Variants in DAD1 observed in about 807,000 individuals in gnomAD.
DAD1 encodes defender against cell death 1, also known as dolichyl-diphosphooligosaccharide--protein glycosyltransferase subunit DAD1.
A neutral mutation model predicts 9.0 loss-of-function variants in DAD1; 4 were observed. The ratio of observed to expected loss-of-function variants is 0.44; its 90% CI spans 0.22 to 1.01. The LOEUF (loss-of-function observed/expected upper bound fraction) is 1.01, where lower values mean the gene tolerates loss of function less well. Ranked by LOEUF, DAD1 falls within the 50% of genes least tolerant of loss-of-function variation. DAD1 has a pLI of 0.24. For missense variants in DAD1, 119 were observed against 137.3 expected (o/e 0.87, Z 0.67); for synonymous variants, 60 against 62.5 (o/e 0.96, Z 0.19).
chr14:22,587,094 G>A (rs1404261327), intron 1 of DAD1, among the ~76,000 whole-genome samples: 1 of 152,116 alleles, frequency 6.6e-6, no homozygotes, highest in African/African-American at 2.4e-5. Flanking sequence ...GCCACAACGG[G>A]CTCAAAAACA....
chr14:22,575,466 T>C (rs1377626698), intron 1 of DAD1, among the ~76,000 whole-genome samples: 1 of 152,212 alleles, frequency 6.6e-6, no homozygotes, highest in Non-Finnish European at 1.5e-5. Flanking sequence ...AATAGAATAT[T>C]ATACTGCAAT....
chr14:22,568,642 T>A (rs5742844), intron 2 of DAD1, among the ~76,000 whole-genome samples: 18 of 151,512 alleles, frequency 1.2e-4, no homozygotes, highest in Admixed American at 4.6e-4. Context: ...GAGGTAAGTT[T>A]ATTTGTCCAT....
chr14:22,578,520 T>C (rs1256639662), intron 1 of DAD1, among the ~76,000 whole-genome samples: 1 of 152,218 alleles, frequency 6.6e-6, no homozygotes, highest in Non-Finnish European at 1.5e-5. Flanking sequence ...TGAGCCGAGA[T>C]TGCGCCACTG....
intron 1 of DAD1, among the ~76,000 whole-genome samples, chr14:22,580,475 T>C (rs1265314574): frequency 4.6e-5 from 7 of 152,038 alleles, no homozygotes; most frequent in African/African-American, 1.4e-4. Context: ...CATAATTATC[T>C]TGTCATTTCA....
At chr14:22,580,803 T>C (rs559495152) in intron 1 of DAD1, among the ~76,000 whole-genome samples, 1 of 152,242 alleles carries the variant, frequency 6.6e-6, no homozygotes, top group South Asian at 2.1e-4. Context: ...ACTAATCACG[T>C]GGGAAGCTTT....
intron 1 of DAD1, among the ~76,000 whole-genome samples, chr14:22,584,530 T>C (rs1027952396): frequency 3.3e-5 from 5 of 151,566 alleles, no homozygotes; most frequent in South Asian, 2.1e-4. Context: ...CTGGGCAACA[T>C]AGCAAGACCT....
chr14:22,586,711 G>C (rs1030402207), intron 1 of DAD1, among the ~76,000 whole-genome samples: 1 of 152,142 alleles, frequency 6.6e-6, no homozygotes, highest in African/African-American at 2.4e-5. Flanking sequence ...ACCATAAAAA[G>C]GAACAAGGCT....
intron 2 of DAD1, among the ~76,000 whole-genome samples, chr14:22,566,438 G>A (rs5742864): frequency 0.094 from 14,278 of 151,960 alleles, 1,235 homozygotes; most frequent in African/African-American, 0.23. Context: ...GGGTTCAGGC[G>A]ATTCTCTGCT....
At chr14:22,579,289 T>C (rs1157143753) in intron 1 of DAD1, among the ~76,000 whole-genome samples, 1 of 151,538 alleles carries the variant, frequency 6.6e-6, no homozygotes, top group East Asian at 1.9e-4. Context: ...TGATAAATTA[T>C]TACATTGCTT....
chr14:22,572,030 G>A (rs1039287338), intron 2 of DAD1, among the ~76,000 whole-genome samples: 4 of 151,908 alleles, frequency 2.6e-5, no homozygotes, highest in African/African-American at 9.7e-5. Flanking sequence ...TATAGAACAA[G>A]AAGTACTTAA....
intron 1 of DAD1, among the ~76,000 whole-genome samples, chr14:22,582,827 G>A (rs558550974): frequency 5.9e-5 from 9 of 151,884 alleles, no homozygotes; most frequent in African/African-American, 1.5e-4. Flanking sequence ...CCAACATGGC[G>A]AAACCTCGTC....
intron 1 of DAD1, among the ~76,000 whole-genome samples, chr14:22,583,047 G>A (rs2037128561): frequency 6.7e-6 from 1 of 149,466 alleles, no homozygotes; most frequent in African/African-American, 2.5e-5. Flanking sequence ...TTGACACCAC[G>A]TACTAACTGG....
chr14:22,570,446 G>GC (rs890034799), intron 2 of DAD1, among the ~76,000 whole-genome samples: 18 of 152,004 alleles, frequency 1.2e-4, no homozygotes, highest in African/African-American at 4.1e-4. Context: ...GACCTCTGCT[G>GC]CCCCCCAATG....
intron 2 of DAD1, among the ~76,000 whole-genome samples, chr14:22,573,524 C>G (rs1288407319): frequency 6.6e-6 from 1 of 151,918 alleles, no homozygotes; most frequent in African/African-American, 2.4e-5. Context: ...ATCATCCTAA[C>G]ACGGTGAAAC....
chr14:22,568,533 C>G (rs996756602), intron 2 of DAD1, among the ~76,000 whole-genome samples: 2 of 152,166 alleles, frequency 1.3e-5, no homozygotes, highest in African/African-American at 4.8e-5. Flanking sequence ...CACAAAAGAA[C>G]CATCAAGAAT....
chr14:22,588,616 A>G (rs1479767949), intron 1 of DAD1, among the ~76,000 whole-genome samples: 1 of 152,226 alleles, frequency 6.6e-6, no homozygotes. Flanking sequence ...TTTCATTTGA[A>G]AAGTCTACTA....
At chr14:22,575,015 C>A (rs2037066619) in intron 2 of DAD1, 44 bp downstream of exon 2, 1 of 1,512,448 alleles carries the variant, frequency 6.6e-7, no homozygotes, top group Admixed American at 2.0e-5. Flanking sequence ...AATTTCTCTT[C>A]CTAAAATCAA....
At position 22,580,492 on chromosome 14, in the gene DAD1, A is replaced by C. The variant is rs553057569; in HGVS notation, c.212-5259T>G. Among the ~76,000 whole-genome samples, 3 of 152,302 alleles carry C rather than the reference A, an allele frequency of 2.0e-5. No homozygotes were observed. The South Asian group carries it at 6.2e-4, about 32-fold the overall frequency. On this transcript the variant is annotated intron_variant, in intron 1 of 2. Coordinates refer to ENST00000250498, the MANE Select transcript of DAD1 (RefSeq NM_001344.4). ...TAATTATCTTGTCATTTCAGTTAGA[A>C]TCTAGAAAAAAATCTGAAGAAATAG...
chr14:22,580,480 A>T (rs1484014104), intron 1 of DAD1, among the ~76,000 whole-genome samples: 1 of 152,140 alleles, frequency 6.6e-6, no homozygotes, highest in Non-Finnish European at 1.5e-5. Flanking sequence ...TTATCTTGTC[A>T]TTTCAGTTAG....
Sources: allele counts gnomAD v4.1 joint callset (sites outside exome capture counted in the v4.1 genomes callset), GRCh38; gene constraint gnomAD v4.1.1; transcripts MANE v1.5; gene names NCBI Gene and HGNC (gene_info 2026-07-23, HGNC 2026-07-21).